ERN2: variants seen among roughly 807,000 people sequenced by gnomAD.
ERN2 encodes endoplasmic reticulum to nucleus signaling 2.
A neutral mutation model predicts 107.9 loss-of-function variants in ERN2; 111 were observed. That is an observed-to-expected ratio of 1.03 (90% CI 0.88 to 1.20). The LOEUF (loss-of-function observed/expected upper bound fraction) is 1.20, where lower values mean the gene tolerates loss of function less well. ERN2 is among the 50% of genes most tolerant of loss of function. The pLI is 0.00. For synonymous variants in ERN2, 524 were observed against 501.7 expected (o/e 1.04, Z -0.59); for missense variants, 1,225 against 1,197.9 (o/e 1.02, Z -0.33).
In ERN2 at chr16:23,702,185, T is replaced by C; in HGVS notation, c.1170A>G (p.Pro390=). The C allele has an allele frequency of 6.2e-7, 1 of 1,614,102 alleles. No individual in the cohort carries two copies. The change falls in exon 11 of 22, where the codon CCA becomes CCG. Residue 390 remains proline (P), a synonymous_variant. Transcript: ENST00000256797. ...LGSGTAETRP[P]ENTQAPAFFL... is the part of the protein sequence containing the mutation. The stretch of plus-strand genomic sequence containing the variant: ...AGAAGGCTGGGGCCTGGGTATTCTC[T>C]GGAGGTCTTGTCTCTGCAGTTCCAC...
In ERN2 at chr16:23,695,891, C is replaced by A; in HGVS notation, c.1610+3G>T. The A allele has an allele frequency of 6.2e-7, 1 of 1,613,402 alleles. No homozygotes were observed. Among genetic ancestry groups the A allele is most frequent in the Non-Finnish European group, 8.5e-7 (1 of 1,179,416 alleles). On this transcript the variant is annotated splice_donor_region_variant and intron_variant, in intron 14 of 21. Transcript: ENST00000256797. Reference sequence around the variant, plus strand: ...CCCAGCTTGGCTCCTGGCTGCCACTCACCGGAAAACGAAAGTCCCGCCTGC... The same window carrying A: ...CCCAGCTTGGCTCCTGGCTGCCACTAACCGGAAAACGAAAGTCCCGCCTGC...
chr16:23,690,856 G>A lies in ERN2; in HGVS notation c.2756C>T (p.Pro919Leu). ...TCACCTCCCTGTGGCCCCAGGGCAT[G>A]GCCTCCTGGCCTCTGAGTCTGGCGG... ...YYPPDSEARRPCPGATGR is the reference protein window; with the variant it reads ...YYPPDSEARRLCPGATGR The change falls in exon 22 of 22, where the codon CCA (proline) becomes CTA (leucine). Residue 919 changes from proline (P) to leucine (L), a missense_variant. By Grantham distance (98) the Pro-to-Leu change is moderately conservative. Coordinates refer to ENST00000256797, the MANE Select transcript of ERN2 (RefSeq NM_033266.4). 3 of 1,612,858 alleles carry A rather than the reference G, an allele frequency of 1.9e-6. No homozygotes were observed. Among genetic ancestry groups the A allele is most frequent in the Non-Finnish European group, 1.7e-6 (2 of 1,180,030 alleles).
intron 8 of ERN2, 103 bp downstream of exon 8, chr16:23,704,780 G>GC (rs1159663703): frequency 1.7e-5 from 22 of 1,272,178 alleles, no homozygotes; most frequent in Non-Finnish European, 2.3e-5. Context: ...CCCTGGTTCA[G>GC]CGGTACTGGT....
At chr16:23,700,839 C>T in intron 12 of ERN2, 120 bp downstream of exon 12, 1 of 1,465,312 alleles carries the variant, frequency 6.8e-7, no homozygotes, top group South Asian at 1.3e-5. Flanking sequence ...TGGGGAGCTG[C>T]TGGGAGGGAG....
intron 14 of ERN2, 147 bp downstream of exon 14, chr16:23,695,747 A>AAAAAAAC: frequency 3.7e-6 from 2 of 542,492 alleles, no homozygotes; most frequent in Non-Finnish European, 6.5e-6. Flanking sequence ...AAAAAAAAAA[A>AAAAAAAC]CAGATAAAGG....
chr16:23,692,661 C>T (rs1229624617), intron 17 of ERN2, among the ~76,000 whole-genome samples: 1 of 152,088 alleles, frequency 6.6e-6, no homozygotes, highest in Non-Finnish European at 1.5e-5. Context: ...TGGGTTTTTT[C>T]TGCAGGGGCA....
intron 2 of ERN2, 64 bp from the exon 3 acceptor site, chr16:23,710,613 A>C: frequency 2.0e-4 from 309 of 1,545,674 alleles, no homozygotes; most frequent in Non-Finnish European, 2.5e-4. Context: ...AGCACAGCTC[A>C]TATTCACTGA....
chr16:23,712,188 A>G (rs1746445803), intron 1 of ERN2: 1 of 244,710 alleles, frequency 4.1e-6, no homozygotes. Flanking sequence ...TCTGGGCTTC[A>G]ATTTTGTCAT....
intron 14 of ERN2, 141 bp downstream of exon 14, chr16:23,695,753 A>G: frequency 1.7e-6 from 1 of 586,282 alleles, no homozygotes; most frequent in Non-Finnish European, 3.0e-6. Flanking sequence ...AAAAACAGAT[A>G]AAGGAAAGAG....
intron 19 of ERN2, 89 bp downstream of exon 19, chr16:23,691,874 T>C: frequency 6.6e-7 from 1 of 1,508,776 alleles, no homozygotes; most frequent in South Asian, 1.3e-5. Context: ...TCTTCCTGTT[T>C]TCCCTCAGCT....
At chr16:23,705,206 G>A (rs898204382) in intron 7 of ERN2, 59 bp from the exon 8 acceptor site, 17 of 1,572,152 alleles carry the variant, frequency 1.1e-5, no homozygotes, top group Admixed American at 1.7e-5. Context: ...GGGTCCAAGG[G>A]TGTGCCCTCT....
Position 23,691,947 on chromosome 16 carries a change from A to C in ERN2, c.2376+16T>G, listed in dbSNP as rs761143176. Reference sequence around the variant, plus strand: ...CTTAGGACTTTTGGGGGCCATTCCCAAGCTTTCCTTCTGACCTGGAAGAAC... The same window carrying C: ...CTTAGGACTTTTGGGGGCCATTCCCCAGCTTTCCTTCTGACCTGGAAGAAC... On this transcript the variant is annotated intron_variant, in intron 19 of 21. Transcript: ENST00000256797. 3.7e-6 allele frequency: 6 copies of C among 1,608,880 alleles called. No individual in the cohort carries two copies. Among genetic ancestry groups the C allele is most frequent in the Admixed American group, 1.7e-5 (1 of 58,408 alleles).
chr16:23,712,980 T>C, intron 1 of ERN2, 115 bp downstream of exon 1: 2 of 776,252 alleles, frequency 2.6e-6, no homozygotes, highest in Non-Finnish European at 3.9e-6. Context: ...CACCCAGGCG[T>C]GAGGGAGGGA....
In ERN2 at chr16:23,711,005, C is replaced by T. The variant is rs373138357; in HGVS notation, c.107G>A (p.Arg36Lys). 6 of 1,613,524 alleles carry T rather than the reference C, an allele frequency of 3.7e-6. No homozygotes were observed. Among genetic ancestry groups the T allele is most frequent in the African/African-American group, 1.3e-5 (1 of 74,920 alleles). ...GGACACCAGCAGGAGGTTCTCTGGC[C>T]TGAGAGTATGAACCTGCAAGGGGGT... ...GTLSPQVHTL[R>K]PENLLLVSTL... Residue 36 changes from arginine (R) to lysine (K), a missense_variant, in exon 2 of 22, where the codon AGG (arginine) becomes AAG (lysine). By Grantham distance (26) the Arg-to-Lys change is conservative. Coordinates refer to ENST00000256797, the MANE Select transcript of ERN2 (RefSeq NM_033266.4).
chr16:23,691,981 C>T lies in ERN2; in HGVS notation c.2358G>A (p.Lys786=), dbSNP rs559670598. 5.6e-6 allele frequency: 9 copies of T among 1,613,300 alleles called. 1 individual carries two copies. Among genetic ancestry groups the T allele is most frequent in the African/African-American group, 5.3e-5 (4 of 74,998 alleles). ...TTCTGACCTGGAAGAACTGGAGTTG[C>T]TTGGCTCTGCTCCAAAAGAAGGGGT... ...LAHPFFWSRA[K]QLQFFQDVSD... is the part of the protein sequence containing the mutation. The change falls in exon 19 of 22, where the codon AAG becomes AAA. Residue 786 remains lysine, a synonymous_variant. Coordinates refer to ENST00000256797, the MANE Select transcript of ERN2 (RefSeq NM_033266.4).
At chr16:23,692,744 TTG>T (rs1555466413) in intron 17 of ERN2, among the ~76,000 whole-genome samples, 1 of 151,584 alleles carries the variant, frequency 6.6e-6, no homozygotes, top group African/African-American at 2.4e-5. Context: ...GTTTTTTTTT[TTG>T]TTGGGGCTTT....
At position 23,695,054 on chromosome 16, in the gene ERN2, A is replaced by T; in HGVS notation, c.1865T>A (p.Met622Lys). 2 of 1,613,784 alleles carry T rather than the reference A, an allele frequency of 1.2e-6. No homozygotes were observed. The highest frequency in any genetic ancestry group is 1.7e-6 in the Non-Finnish European group (2 of 1,179,872). Residue 622 changes from methionine (M) to lysine (K), a missense_variant, in exon 16 of 22, where the codon ATG becomes AAG. By Grantham distance (95) the Met-to-Lys change is moderately conservative (BLOSUM62 -1). Coordinates refer to ENST00000256797, the MANE Select transcript of ERN2 (RefSeq NM_033266.4). ...LEPEVVLQQL[M>K]SGLAHLHSLH... is the part of the protein sequence containing the mutation. ...AGAGTGCAGGTGGGCCAGGCCAGACATCAGCTGCTGCAGCACGACCTCGGG... is the reference window on the plus strand; with the variant it reads ...AGAGTGCAGGTGGGCCAGGCCAGACTTCAGCTGCTGCAGCACGACCTCGGG...
At chr16:23,695,412 GGCAGGGGGGCATTCAGGGAAA>G in intron 14 of ERN2, 23 bp from the exon 15 acceptor site, 1 of 1,563,028 alleles carries the variant, frequency 6.4e-7, no homozygotes, top group Non-Finnish European at 8.7e-7. Context: ...TGATGGCGGG[GGCAGGGGGGCATTCAGGGAAA>G]GCAGATAAAG....
At chr16:23,702,327 C>A in intron 10 of ERN2, 54 bp from the exon 11 acceptor site, 2 of 1,611,472 alleles carry the variant, frequency 1.2e-6, no homozygotes, top group Non-Finnish European at 1.7e-6. Flanking sequence ...CTTTCCAGCT[C>A]AGAAGCTGGG....
Sources: allele counts gnomAD v4.1 joint callset (sites outside exome capture counted in the v4.1 genomes callset), GRCh38; gene constraint gnomAD v4.1.1; transcripts MANE v1.5; gene names NCBI Gene and HGNC (gene_info 2026-07-23, HGNC 2026-07-21).